The following MRRF variants were observed in gnomAD, a reference collection of about 807,000 sequenced individuals.
The protein encoded by MRRF is ribosome-recycling factor, mitochondrial.
In MRRF, 18 loss-of-function variants were observed where a neutral mutation model predicts 25.1. The observed-to-expected ratio is 0.72, with a 90% CI of 0.50 to 1.06. MRRF has a LOEUF of 1.06. MRRF is among the 50% of genes least tolerant of loss of function. MRRF has a pLI of 0.00. For synonymous variants in MRRF, 113 were observed against 112.1 expected (o/e 1.01, Z -0.05); for missense variants, 323 against 319.3 (o/e 1.01, Z -0.09).
chr9:122,280,039 A>G (rs1833000952), intron 2 of MRRF, among the ~76,000 whole-genome samples: 1 of 152,194 alleles, frequency 6.6e-6, no homozygotes, highest in Non-Finnish European at 1.5e-5. Context: ...TAATTTAGTT[A>G]TGGATTCCCT....
chr9:122,292,097 T>C (rs959234624), intron 5 of MRRF, among the ~76,000 whole-genome samples: 1 of 152,114 alleles, frequency 6.6e-6, no homozygotes, highest in Non-Finnish European at 1.5e-5. Context: ...GTTGGGAAGG[T>C]AGGACAAATA....
At chr9:122,310,509 A>G (rs747242973) in intron 5 of MRRF, among the ~76,000 whole-genome samples, 21 of 152,262 alleles carry the variant, frequency 1.4e-4, no homozygotes, top group Non-Finnish European at 2.6e-4. Flanking sequence ...GTTACTGTGC[A>G]TCCATAAGGC....
intron 5 of MRRF, among the ~76,000 whole-genome samples, chr9:122,297,793 T>G (rs1221213057): frequency 6.6e-6 from 1 of 152,138 alleles, no homozygotes; most frequent in Admixed American, 6.5e-5. Flanking sequence ...CTGCGCTTCT[T>G]AGAGACATGG....
At chr9:122,272,622 ACTTTTT>A in intron 2 of MRRF, among the ~76,000 whole-genome samples, 1 of 152,030 alleles carries the variant, frequency 6.6e-6, no homozygotes, top group Admixed American at 6.5e-5. Flanking sequence ...TGGTTGTTTG[ACTTTTT>A]CTTTTAGATT....
At chr9:122,286,056 G>T in intron 4 of MRRF, 1 of 1,290,304 alleles carries the variant, frequency 7.8e-7, no homozygotes, top group African/African-American at 1.5e-5. Flanking sequence ...CCTGGATTAG[G>T]AGTCTTAGAG....
intron 3 of MRRF, among the ~76,000 whole-genome samples, chr9:122,284,837 G>A (rs1564482988): frequency 6.6e-6 from 1 of 152,180 alleles, no homozygotes; most frequent in Non-Finnish European, 1.5e-5. Context: ...CTAGGGTGGA[G>A]TGCAGTGGCC....
chr9:122,296,617 TAGA>T (rs1180938985), intron 5 of MRRF, among the ~76,000 whole-genome samples: 1 of 152,178 alleles, frequency 6.6e-6, no homozygotes, highest in Non-Finnish European at 1.5e-5. Flanking sequence ...TGTCTCCTGA[TAGA>T]AGATTTATCT....
chr9:122,273,231 T>C (rs1043120683), intron 2 of MRRF, among the ~76,000 whole-genome samples: 1 of 152,120 alleles, frequency 6.6e-6, no homozygotes, highest in African/African-American at 2.4e-5. Flanking sequence ...GTGGTTGGAT[T>C]GCTTGAGCTC....
At chr9:122,314,721 A>G (rs1835409295) in intron 6 of MRRF, among the ~76,000 whole-genome samples, 3 of 152,150 alleles carry the variant, frequency 2.0e-5, no homozygotes, top group African/African-American at 7.2e-5. Context: ...CCAGGTAGAA[A>G]ACAGATTGTA....
chr9:122,296,749 C>T (rs1265679541), intron 5 of MRRF, among the ~76,000 whole-genome samples: 1 of 152,144 alleles, frequency 6.6e-6, no homozygotes, highest in Admixed American at 6.6e-5. Context: ...TGCCCCCAAG[C>T]AAATAAACAA....
At chr9:122,286,291 G>C in intron 4 of MRRF, 1 of 958,428 alleles carries the variant, frequency 1.0e-6, no homozygotes, top group Non-Finnish European at 1.4e-6. Flanking sequence ...AGCCCTTGCT[G>C]TGAACACACT....
intron 5 of MRRF, among the ~76,000 whole-genome samples, chr9:122,297,396 T>G (rs1834158237): frequency 6.6e-6 from 1 of 152,178 alleles, no homozygotes; most frequent in Non-Finnish European, 1.5e-5. Context: ...CAATGCAAAG[T>G]CAAGCATATG....
chr9:122,317,067 A>AATATATATAT (rs71847269), intron 6 of MRRF, among the ~76,000 whole-genome samples: 9,123 of 145,198 alleles, frequency 0.063, 373 homozygotes, highest in East Asian at 0.11. Flanking sequence ...GGTTGCAGTG[A>AATATATATAT]ATATATATAT....
intron 1 of MRRF, chr9:122,265,738 G>T (rs1226887125): frequency 1.6e-6 from 2 of 1,288,188 alleles, no homozygotes; most frequent in South Asian, 1.2e-5. Flanking sequence ...TTTTGAATAC[G>T]TGTGATTATG....
chr9:122,280,945 ACT>A (rs1833064852), intron 3 of MRRF, among the ~76,000 whole-genome samples: 1 of 152,140 alleles, frequency 6.6e-6, no homozygotes, highest in Non-Finnish European at 1.5e-5. Context: ...ATGGAATTAG[ACT>A]CTCAGAAAAA....
At chr9:122,310,568 C>T (rs1835141278) in intron 5 of MRRF, among the ~76,000 whole-genome samples, 2 of 152,204 alleles carry the variant, frequency 1.3e-5, no homozygotes, top group Admixed American at 6.5e-5. Context: ...TATGCTCCTT[C>T]CGCAGTAGAT....
Position 122,319,518 on chromosome 9 carries a change from C to T in MRRF, c.712-3022C>T, listed in dbSNP as rs1835747495. Among the ~76,000 whole-genome samples, 3 of 152,114 alleles carry T rather than the reference C, an allele frequency of 2.0e-5. No homozygotes were observed. In the South Asian group the frequency reaches 6.2e-4, roughly 32 times the overall value. ...TAAAATGGGGATAATACCTATTCTA[C>T]CTGCTTCATAGAGGCTATGTGAGGT... On this transcript the variant is annotated intron_variant, in intron 6 of 6. Coordinates refer to ENST00000344641, the MANE Select transcript of MRRF (RefSeq NM_138777.5).
intron 1 of MRRF, among the ~76,000 whole-genome samples, chr9:122,266,069 A>G (rs1832062676): frequency 6.6e-6 from 1 of 152,248 alleles, no homozygotes; most frequent in African/African-American, 2.4e-5. Flanking sequence ...TACCCTGGAT[A>G]AGGAATTTAT....
intron 5 of MRRF, among the ~76,000 whole-genome samples, chr9:122,309,065 A>G (rs1469394454): frequency 6.6e-6 from 1 of 152,168 alleles, no homozygotes; most frequent in African/African-American, 2.4e-5. Context: ...AGCCCCTGGT[A>G]ACTACTATTC....
Sources: allele counts gnomAD v4.1 joint callset (sites outside exome capture counted in the v4.1 genomes callset), GRCh38; gene constraint gnomAD v4.1.1; transcripts MANE v1.5; gene names NCBI Gene and HGNC (gene_info 2026-07-23, HGNC 2026-07-21).